Variants in SIN3B observed in about 807,000 individuals in gnomAD.
SIN3B encodes the protein paired amphipathic helix protein Sin3b.
Under a neutral mutation model 120.2 loss-of-function variants are expected in SIN3B, and 19 were observed. The ratio of observed to expected loss-of-function variants is 0.16; its 90% CI spans 0.11 to 0.23. SIN3B has a LOEUF of 0.23. SIN3B is among the 10% of genes least tolerant of loss of function. The pLI, the probability that SIN3B is intolerant of heterozygous loss-of-function variation, is 1.00. For synonymous variants in SIN3B, 654 were observed against 653.2 expected (o/e 1.00, Z -0.02); for missense variants, 1,073 against 1,573.0 (o/e 0.68, Z 5.38).
intron 13 of SIN3B, among the ~76,000 whole-genome samples, chr19:16,870,349 A>C (rs1029534276): frequency 6.7e-6 from 1 of 150,352 alleles, no homozygotes; most frequent in African/African-American, 2.4e-5. Flanking sequence ...TTTCTCGTGG[A>C]GCCGTCATGG....
Position 16,857,178 on chromosome 19 carries a change from G to A in SIN3B, c.1058+2917G>A, listed in dbSNP as rs147183945. Among the ~76,000 whole-genome samples the A allele has an allele frequency of 1.5e-3, 223 of 152,206 alleles. 1 individual carries two copies. The highest frequency in any genetic ancestry group is 5.2e-3 in the African/African-American group (215 of 41,504). On this transcript the variant is annotated intron_variant, in intron 8 of 18. Coordinates refer to ENST00000248054, the MANE Select transcript of SIN3B (RefSeq NM_001297595.2). ...TTGATCACTGAAAATGTCAAATCTT[G>A]GAAAATGTAGCATTCCTACACTTGA...
chr19:16,863,821 C>T (rs746600691), intron 10 of SIN3B, 25 bp downstream of exon 10: 3 of 1,539,350 alleles, frequency 1.9e-6, no homozygotes, highest in Non-Finnish European at 1.8e-6. Flanking sequence ...GTGGCCGGGT[C>T]CCCCGGCATG....
chr19:16,863,322 GCA>G, intron 9 of SIN3B: 2 of 360,184 alleles, frequency 5.6e-6, no homozygotes, highest in Non-Finnish European at 9.9e-6. Context: ...TTTTAAGAAT[GCA>G]GTGTAACAAT....
chr19:16,869,690 G>A lies in SIN3B; in HGVS notation c.2037G>A (p.Glu679=), dbSNP rs764252080. 1.9e-6 allele frequency: 3 copies of A among 1,613,412 alleles called. No homozygotes were observed. The highest frequency in any genetic ancestry group is 2.5e-6 in the Non-Finnish European group (3 of 1,180,030). Residue 679 remains glutamate, a synonymous_variant, in exon 13 of 19, where the codon GAG becomes GAA. Coordinates refer to ENST00000248054, the MANE Select transcript of SIN3B (RefSeq NM_001297595.2). The part of the protein sequence containing the change: ...SQQLDLGASE[E]SADEDRDSPQ... ...AGCTGGACCTGGGCGCCTCCGAGGA[G>A]TCAGCTGATGAGGACCGGGACAGCC... is the stretch of plus-strand genomic sequence containing the variant.
chr19:16,866,056 G>A (rs1290015543), intron 11 of SIN3B, among the ~76,000 whole-genome samples: 1 of 152,228 alleles, frequency 6.6e-6, no homozygotes, highest in Admixed American at 6.5e-5. Flanking sequence ...ATGCAGCTGA[G>A]TGAGGCAGAC....
rs555090760 is a variant in SIN3B, at chr19:16,830,038, C to T, written c.227+141C>T. The T allele has an allele frequency of 3.8e-4, 230 of 610,724 alleles. 1 individual carries two copies. Among genetic ancestry groups the T allele is most frequent in the South Asian group, 2.5e-3 (127 of 50,766 alleles). 37.8% of individuals were successfully genotyped at this position (610,724 alleles called of 1,614,324 possible). On this transcript the variant is annotated intron_variant, in intron 2 of 18. Coordinates refer to ENST00000248054, the MANE Select transcript of SIN3B (RefSeq NM_001297595.2). ...TGTCCAATCTCTCAGAGCCCTAGCT[C>T]CTTCTCGTAACAAAAATGGAAATGG...
chr19:16,878,456 G>T, intron 18 of SIN3B, 41 bp from the exon 19 acceptor site: 3 of 1,571,588 alleles, frequency 1.9e-6, no homozygotes, highest in South Asian at 2.3e-5. Context: ...GGCCCTGGGG[G>T]TCCAGCCCTC....
intron 10 of SIN3B, among the ~76,000 whole-genome samples, chr19:16,864,576 C>T (rs1354529362): frequency 6.6e-6 from 1 of 151,982 alleles, no homozygotes; most frequent in African/African-American, 2.4e-5. Context: ...AAGCGATCCT[C>T]CCACCTTGGC....
At chr19:16,873,839 C>G (rs868704420) in intron 14 of SIN3B, among the ~76,000 whole-genome samples, 1 of 152,192 alleles carries the variant, frequency 6.6e-6, no homozygotes, top group African/African-American at 2.4e-5. Flanking sequence ...TAACCTGCCT[C>G]GAGGCCATGT....
intron 8 of SIN3B, chr19:16,855,490 G>A (rs1468986245): frequency 1.3e-5 from 2 of 151,796 alleles, no homozygotes; most frequent in Non-Finnish European, 2.9e-5. Flanking sequence ...GGAGGCCGAG[G>A]TGAGCAGATT....
intron 8 of SIN3B, among the ~76,000 whole-genome samples, chr19:16,856,978 G>C (rs902668658): frequency 1.3e-5 from 2 of 152,122 alleles, no homozygotes; most frequent in Non-Finnish European, 1.5e-5. Flanking sequence ...GATAGTAGTT[G>C]ACAGCACTTG....
chr19:16,851,398 A>C lies in SIN3B; in HGVS notation c.727-14A>C. The stretch of plus-strand genomic sequence containing the variant: ...ACGTCTCCGGTGCTGACCACCTCCC[A>C]CATGTGTCCTTAGTTCACAGGAAAC... On this transcript the variant is annotated splice_polypyrimidine_tract_variant and intron_variant, in intron 5 of 18. Transcript: ENST00000248054. 6.3e-7 allele frequency: 1 copy of C among 1,582,808 alleles called. No individual in the cohort carries two copies. Among genetic ancestry groups the C allele is most frequent in the Non-Finnish European group, 8.6e-7 (1 of 1,163,536 alleles).
chr19:16,849,441 T>C (rs1971517550), intron 5 of SIN3B, among the ~76,000 whole-genome samples: 1 of 152,184 alleles, frequency 6.6e-6, no homozygotes, highest in South Asian at 2.1e-4. Flanking sequence ...CCAACAAAAC[T>C]TTATTTACAA....
At chr19:16,850,419 C>A (rs1971529648) in intron 5 of SIN3B, among the ~76,000 whole-genome samples, 1 of 151,946 alleles carries the variant, frequency 6.6e-6, no homozygotes, top group Non-Finnish European at 1.5e-5. Flanking sequence ...TTTGTTCTGC[C>A]CCTTGGGTTT....
chr19:16,842,405 CTTT>C (rs764926291), intron 4 of SIN3B, among the ~76,000 whole-genome samples: 6 of 126,868 alleles, frequency 4.7e-5, no homozygotes, highest in Non-Finnish European at 3.3e-5. Flanking sequence ...GCCCAGCCAC[CTTT>C]TTTTTTTTTT....
At chr19:16,857,291 C>T (rs762674507) in intron 8 of SIN3B, among the ~76,000 whole-genome samples, 3 of 152,122 alleles carry the variant, frequency 2.0e-5, no homozygotes, top group Non-Finnish European at 4.4e-5. Context: ...GTGATTCAGA[C>T]GATTCTGATG....
At chr19:16,832,497 C>A (rs1971292001) in intron 3 of SIN3B, among the ~76,000 whole-genome samples, 1 of 146,724 alleles carries the variant, frequency 6.8e-6, no homozygotes, top group African/African-American at 2.5e-5. Flanking sequence ...CGTGCCCAGC[C>A]TCCTTTTTTT....
intron 3 of SIN3B, among the ~76,000 whole-genome samples, chr19:16,836,063 A>C (rs1599588310): frequency 6.6e-6 from 1 of 152,328 alleles, no homozygotes; most frequent in African/African-American, 2.4e-5. Context: ...GTGGTAAGGA[A>C]GGTGAATAAG....
At chr19:16,833,379 A>G (rs1296403570) in intron 3 of SIN3B, among the ~76,000 whole-genome samples, 3 of 152,036 alleles carry the variant, frequency 2.0e-5, no homozygotes, top group Admixed American at 6.5e-5. Flanking sequence ...CACGCCTGTA[A>G]TCCCAGCACT....
Sources: allele counts gnomAD v4.1 joint callset (sites outside exome capture counted in the v4.1 genomes callset), GRCh38; gene constraint gnomAD v4.1.1; transcripts MANE v1.5; gene names NCBI Gene and HGNC (gene_info 2026-07-23, HGNC 2026-07-21).